The following OCIAD1 variants were observed in gnomAD, a reference collection of about 807,000 sequenced individuals.
OCIAD1 encodes OCIA domain-containing protein 1.
In OCIAD1, 29 loss-of-function variants were observed where a neutral mutation model predicts 38.9. The ratio of observed to expected loss-of-function variants is 0.74; its 90% confidence interval spans 0.55 to 1.02. The LOEUF (loss-of-function observed/expected upper bound fraction) is 1.02, where lower values mean the gene tolerates loss of function less well. Ranked by LOEUF, OCIAD1 falls within the 50% of genes least tolerant of loss-of-function variation. The pLI is 0.00. For synonymous variants in OCIAD1, 110 were observed against 92.0 expected (o/e 1.20, Z -1.12); for missense variants, 288 against 289.6 (o/e 0.99, Z 0.04).
intron 3 of OCIAD1, among the ~76,000 whole-genome samples, chr4:48,834,308 A>T (rs1014787894): frequency 1.4e-4 from 22 of 152,126 alleles, no homozygotes; most frequent in Admixed American, 1.4e-3. Flanking sequence ...AGTAGCTGGG[A>T]TTACAGGCAT....
chr4:48,860,792 T>G lies in OCIAD1; in HGVS notation c.*30T>G, dbSNP rs768816174. ...TTACATCATTGGACATGAAGGAGTTTCAACATCCAGCTTCATCTAGGTGGT... is the reference window on the plus strand; with the variant it reads ...TTACATCATTGGACATGAAGGAGTTGCAACATCCAGCTTCATCTAGGTGGT... On this transcript the variant is annotated 3_prime_UTR_variant, in exon 9 of 9. Transcript: ENST00000264312. 1.3e-6 allele frequency: 2 copies of G among 1,551,068 alleles called. No homozygotes were observed. The highest frequency in any genetic ancestry group is 4.5e-5 in the East Asian group (2 of 44,428).
chr4:48,851,158 A>C (rs1316602780), intron 6 of OCIAD1, among the ~76,000 whole-genome samples: 1 of 152,204 alleles, frequency 6.6e-6, no homozygotes, highest in East Asian at 1.9e-4. Flanking sequence ...TACCTTCTCA[A>C]TTGACATGGG....
In OCIAD1 at chr4:48,848,533, A is replaced by C. The variant is rs1380154201; in HGVS notation, c.241+87A>C. On this transcript the variant is annotated intron_variant, in intron 5 of 8. Coordinates refer to ENST00000264312, the MANE Select transcript of OCIAD1 (RefSeq NM_017830.4). The stretch of plus-strand genomic sequence containing the variant: ...TCAAATGTTTTATCATGTCTTACTC[A>C]TATTAGTTATGTGGTTACATGCTCT... 1.7e-5 allele frequency: 10 copies of C among 606,020 alleles called. No individual in the cohort carries two copies. In the South Asian group the frequency reaches 2.6e-4, roughly 16 times the overall value. 37.5% of individuals were successfully genotyped at this position (606,020 alleles called of 1,614,324 possible).
intron 3 of OCIAD1, among the ~76,000 whole-genome samples, chr4:48,835,578 A>G (rs1314870470): frequency 6.6e-6 from 1 of 152,138 alleles, no homozygotes; most frequent in South Asian, 2.1e-4. Context: ...TCACACCTGT[A>G]ATCCCAGCAC....
intron 7 of OCIAD1, chr4:48,852,253 T>C: frequency 3.4e-6 from 1 of 291,076 alleles, no homozygotes; most frequent in Non-Finnish European, 6.3e-6. Flanking sequence ...AATACAAGGA[T>C]GAATTACTAG....
intron 1 of OCIAD1, among the ~76,000 whole-genome samples, chr4:48,816,715 A>G (rs1475225704): frequency 6.6e-6 from 1 of 152,228 alleles, no homozygotes; most frequent in Non-Finnish European, 1.5e-5. Flanking sequence ...TCACGCCTGT[A>G]ACCCCAGCAC....
At chr4:48,808,300 T>C (rs1056962188) in intron 1 of OCIAD1, among the ~76,000 whole-genome samples, 2 of 151,938 alleles carry the variant, frequency 1.3e-5, no homozygotes, top group Admixed American at 6.6e-5. Flanking sequence ...AAACCTCATC[T>C]CTACAAAAAA....
chr4:48,816,813 A>T (rs966844076), intron 1 of OCIAD1, among the ~76,000 whole-genome samples: 6 of 149,212 alleles, frequency 4.0e-5, no homozygotes, highest in African/African-American at 1.5e-4. Flanking sequence ...TCTACTAAAA[A>T]TACAAAAATT....
intron 1 of OCIAD1, chr4:48,831,507 G>A: frequency 7.7e-7 from 1 of 1,290,696 alleles, no homozygotes; most frequent in Non-Finnish European, 1.0e-6. Flanking sequence ...GTGGGAGACG[G>A]ACACTGGGTG....
At chr4:48,821,448 T>C (rs1390474248) in intron 1 of OCIAD1, among the ~76,000 whole-genome samples, 1 of 152,224 alleles carries the variant, frequency 6.6e-6, no homozygotes, top group Non-Finnish European at 1.5e-5. Flanking sequence ...AATATCATAC[T>C]GAATGGGCAA....
intron 3 of OCIAD1, among the ~76,000 whole-genome samples, chr4:48,839,134 A>G (rs1475541533): frequency 2.0e-5 from 3 of 152,186 alleles, no homozygotes; most frequent in Admixed American, 6.6e-5. Flanking sequence ...ATGATACAGT[A>G]TAAGAGTGAT....
intron 1 of OCIAD1, among the ~76,000 whole-genome samples, chr4:48,808,022 A>G (rs568399893): frequency 6.6e-6 from 1 of 152,334 alleles, no homozygotes; most frequent in Non-Finnish European, 1.5e-5. Flanking sequence ...CTATTTTTAT[A>G]AACAAGGGGA....
intron 3 of OCIAD1, among the ~76,000 whole-genome samples, chr4:48,836,855 T>A (rs1778028094): frequency 6.6e-6 from 1 of 152,190 alleles, no homozygotes; most frequent in Non-Finnish European, 1.5e-5. Context: ...TCTAAAACAG[T>A]TATTCTCAAC....
intron 1 of OCIAD1, among the ~76,000 whole-genome samples, chr4:48,831,726 G>C (rs988083018): frequency 6.6e-6 from 1 of 152,150 alleles, no homozygotes; most frequent in African/African-American, 2.4e-5. Flanking sequence ...TTATTCAGCA[G>C]GCTCCATCCA....
intron 1 of OCIAD1, among the ~76,000 whole-genome samples, chr4:48,817,875 G>T (rs1421769935): frequency 6.6e-6 from 1 of 152,172 alleles, no homozygotes; most frequent in African/African-American, 2.4e-5. Flanking sequence ...TCCTCACTGG[G>T]CATCTCTGAA....
chr4:48,852,049 T>C (rs905370142), intron 7 of OCIAD1, 74 bp downstream of exon 7: 1 of 1,037,728 alleles, frequency 9.6e-7, no homozygotes, highest in Non-Finnish European at 1.4e-6. Context: ...TGATGACCTT[T>C]TCTGCTGGAT....
chr4:48,814,877 C>T (rs760298569), intron 1 of OCIAD1, among the ~76,000 whole-genome samples: 10 of 152,174 alleles, frequency 6.6e-5, no homozygotes, highest in Non-Finnish European at 1.2e-4. Context: ...TTCATACTGA[C>T]ACATGGGCTC....
Position 48,813,482 on chromosome 4 carries a change from C to T in OCIAD1, c.-103+8152C>T, listed in dbSNP as rs1324042828. Reference sequence around the variant, plus strand: ...CAGCCTGGGCAACATGGTGATATCCCGTCTCTACAAAAAATACAAAAATTA... The same window carrying T: ...CAGCCTGGGCAACATGGTGATATCCTGTCTCTACAAAAAATACAAAAATTA... On this transcript the variant is annotated intron_variant, in intron 1 of 6. Coordinates refer to the OCIAD1 transcript ENST00000504654. Among the ~76,000 whole-genome samples the T allele has an allele frequency of 4.6e-5, 7 of 152,224 alleles. No individual in the cohort carries two copies. The East Asian group carries it at 9.7e-4, about 21-fold the overall frequency.
chr4:48,844,065 G>A (rs1233572394), intron 4 of OCIAD1, among the ~76,000 whole-genome samples: 2 of 152,162 alleles, frequency 1.3e-5, no homozygotes, highest in East Asian at 1.9e-4. Flanking sequence ...ATCAAGGAAA[G>A]TTTCTTGAAA....
Sources: gnomAD v4.1 joint callset for allele counts (sites outside exome capture counted in the v4.1 genomes callset) on GRCh38, gnomAD v4.1.1 for gene constraint, MANE v1.5 for transcripts, NCBI Gene and HGNC (gene_info 2026-07-23, HGNC 2026-07-21) for gene names.